The following ZNF385B variants were observed in gnomAD, a reference collection of about 807,000 sequenced individuals.
ZNF385B encodes zinc finger protein 385B.
A neutral mutation model predicts 39.2 loss-of-function variants in ZNF385B; 23 were observed. The ratio of observed to expected loss-of-function variants is 0.59; its 90% CI spans 0.42 to 0.83. The LOEUF (loss-of-function observed/expected upper bound fraction) is 0.83, where lower values mean the gene tolerates loss of function less well. Ranked by LOEUF, ZNF385B falls within the 40% of genes least tolerant of loss-of-function variation. The pLI, the probability that ZNF385B is intolerant of heterozygous loss-of-function variation, is 0.00. For missense variants in ZNF385B, 552 were observed against 598.9 expected (o/e 0.92, Z 0.82); for synonymous variants, 205 against 222.6 (o/e 0.92, Z 0.70).
At chr2:179,708,600 C>A (rs148544491) in intron 3 of ZNF385B, among the ~76,000 whole-genome samples, 59 of 152,270 alleles carry the variant, frequency 3.9e-4, no homozygotes, top group Admixed American at 1.2e-3. Flanking sequence ...ATACATGGCT[C>A]TCATCTTGGA....
At chr2:179,452,084 T>A (rs577389909) in intron 6 of ZNF385B, among the ~76,000 whole-genome samples, 17 of 152,274 alleles carry the variant, frequency 1.1e-4, no homozygotes, top group African/African-American at 3.8e-4. Context: ...TACAGGATTT[T>A]GAAGGAAAAT....
rs79607343 is a variant in ZNF385B, at chr2:179,662,824, T to A, written c.298+106679A>T. Among the ~76,000 whole-genome samples, 1,209 of 152,300 alleles carry A rather than the reference T, an allele frequency of 7.9e-3. 18 individuals are homozygous for A. Among genetic ancestry groups the A allele is most frequent in the African/African-American group, 0.028 (1,163 of 41,562 alleles). On this transcript the variant is annotated intron_variant, in intron 3 of 9. Coordinates refer to ENST00000410066, the MANE Select transcript of ZNF385B (RefSeq NM_152520.6). ...TCCAAGTTCTTTTACTTTGATAAACTTTTTCTAGTTTTTATGATGCATACA... is the reference window on the plus strand; with the variant it reads ...TCCAAGTTCTTTTACTTTGATAAACATTTTCTAGTTTTTATGATGCATACA...
chr2:179,464,534 A>G (rs1248789560), intron 6 of ZNF385B, among the ~76,000 whole-genome samples: 1 of 152,168 alleles, frequency 6.6e-6, no homozygotes, highest in Non-Finnish European at 1.5e-5. Context: ...TATAAGGTGT[A>G]AGGAAGGGGT....
At chr2:179,552,207 A>G (rs2060619573) in intron 3 of ZNF385B, among the ~76,000 whole-genome samples, 1 of 149,308 alleles carries the variant, frequency 6.7e-6, no homozygotes, top group African/African-American at 2.5e-5. Flanking sequence ...TTAGATATAT[A>G]ATCTTAAAAG....
At chr2:179,844,180 G>A (rs1480706) in intron 1 of ZNF385B, among the ~76,000 whole-genome samples, 39,002 of 152,090 alleles carry the variant, frequency 0.26, 5,259 homozygotes, top group Non-Finnish European at 0.29. Context: ...GATTGAAACC[G>A]CCTCCTCCAT....
At chr2:179,755,163 T>G (rs976567854) in intron 3 of ZNF385B, among the ~76,000 whole-genome samples, 1 of 152,220 alleles carries the variant, frequency 6.6e-6, no homozygotes, top group Non-Finnish European at 1.5e-5. Flanking sequence ...AAGAACATCT[T>G]TATTTCTGCC....
At chr2:179,825,568 A>G (rs1349022652) in intron 1 of ZNF385B, among the ~76,000 whole-genome samples, 5 of 152,068 alleles carry the variant, frequency 3.3e-5, no homozygotes, top group Non-Finnish European at 7.4e-5. Flanking sequence ...AAAGCATCTC[A>G]TTTCCTCTTT....
chr2:179,785,973 C>T (rs1018284544), intron 1 of ZNF385B, among the ~76,000 whole-genome samples: 4 of 152,098 alleles, frequency 2.6e-5, no homozygotes, highest in Admixed American at 6.6e-5. Context: ...AAGAGTACAT[C>T]GATGTAGCAA....
intron 3 of ZNF385B, among the ~76,000 whole-genome samples, chr2:179,764,050 G>T (rs1010635713): frequency 6.6e-6 from 1 of 152,126 alleles, no homozygotes; most frequent in Admixed American, 6.5e-5. Context: ...CAGTTGCTGA[G>T]AGTAGGTCCC....
chr2:179,528,228 T>A (rs534625128), intron 4 of ZNF385B, among the ~76,000 whole-genome samples: 193 of 152,298 alleles, frequency 1.3e-3, no homozygotes, highest in African/African-American at 4.5e-3. Flanking sequence ...GAGGATTTTT[T>A]CAACTACCAA....
At chr2:179,548,671 G>A (rs2105919111) in intron 3 of ZNF385B, among the ~76,000 whole-genome samples, 1 of 149,496 alleles carries the variant, frequency 6.7e-6, no homozygotes, top group Admixed American at 6.6e-5. Flanking sequence ...GCAAAGACAT[G>A]TCTCACATGG....
At position 179,592,390 on chromosome 2, in the gene ZNF385B, A is replaced by G. The variant is rs1198207565; in HGVS notation, c.299-47421T>C. Among the ~76,000 whole-genome samples the G allele has an allele frequency of 2.0e-5, 3 of 152,222 alleles. No individual in the cohort carries two copies. In the East Asian group the frequency reaches 5.8e-4, roughly 29 times the overall value. On this transcript the variant is annotated intron_variant, in intron 3 of 9. Transcript: ENST00000410066. ...AGCCTCAGTTAGCTGGATGGCTAAA[A>G]TACACAATTCAATCATAACATGGGC...
intron 3 of ZNF385B, among the ~76,000 whole-genome samples, chr2:179,703,497 A>G (rs1384980456): frequency 6.6e-6 from 1 of 152,198 alleles, no homozygotes; most frequent in Non-Finnish European, 1.5e-5. Flanking sequence ...CTCCCCATTA[A>G]AATGTCAGGT....
chr2:179,752,044 T>C (rs1702709992), intron 3 of ZNF385B, among the ~76,000 whole-genome samples: 1 of 152,178 alleles, frequency 6.6e-6, no homozygotes, highest in Non-Finnish European at 1.5e-5. Flanking sequence ...CATTAACTCG[T>C]CATTTACATT....
rs545244588 is a variant in ZNF385B at position 179,652,433 on chromosome 2, G to C, written c.299-107464C>G. ...AACAGTTTGTGCCAATGGATTCTGGGAAACCCTGCTTTTTACAAGTGAGTA... is the reference window on the plus strand; with the variant it reads ...AACAGTTTGTGCCAATGGATTCTGGCAAACCCTGCTTTTTACAAGTGAGTA... On this transcript the variant is annotated intron_variant, in intron 3 of 9. Coordinates refer to ENST00000410066, the MANE Select transcript of ZNF385B (RefSeq NM_152520.6). Among the ~76,000 whole-genome samples, 9 of 152,178 alleles carry C rather than the reference G, an allele frequency of 5.9e-5. No individual in the cohort carries two copies. The South Asian group carries it at 1.9e-3, about 32-fold the overall frequency.
intron 5 of ZNF385B, among the ~76,000 whole-genome samples, chr2:179,511,002 C>T (rs1263180883): frequency 6.6e-6 from 1 of 152,194 alleles, no homozygotes; most frequent in Admixed American, 6.5e-5. Context: ...GGTACCCTTG[C>T]AGCTGTGTGC....
At chr2:179,661,370 C>T (rs887899785) in intron 3 of ZNF385B, among the ~76,000 whole-genome samples, 7 of 152,172 alleles carry the variant, frequency 4.6e-5, no homozygotes, top group Non-Finnish European at 8.8e-5. Flanking sequence ...GGTTCTGAGG[C>T]CTTGAACTTG....
intron 1 of ZNF385B, among the ~76,000 whole-genome samples, chr2:179,858,681 G>A (rs1684791169): frequency 6.6e-6 from 1 of 151,994 alleles, no homozygotes; most frequent in South Asian, 2.1e-4. Flanking sequence ...GCGTGGAGGG[G>A]TTATAATAAA....
chr2:179,485,869 C>G (rs2054514972), intron 5 of ZNF385B, among the ~76,000 whole-genome samples: 1 of 152,138 alleles, frequency 6.6e-6, no homozygotes, highest in African/African-American at 2.4e-5. Flanking sequence ...ACCCAGGTCA[C>G]CCAAGGTCTA....
Sources: allele counts gnomAD v4.1 joint callset (sites outside exome capture counted in the v4.1 genomes callset), GRCh38; gene constraint gnomAD v4.1.1; transcripts MANE v1.5; gene names NCBI Gene and HGNC (gene_info 2026-07-23, HGNC 2026-07-21).